TMEM33: variants seen among roughly 807,000 people sequenced by gnomAD.
TMEM33 encodes transmembrane protein 33.
In TMEM33, 16 loss-of-function variants were observed where a neutral mutation model predicts 29.7. That is an observed-to-expected ratio of 0.54 (90% CI 0.36 to 0.82). The LOEUF is 0.82. Among genes scored for constraint, TMEM33 ranks in the 40% least tolerant of loss-of-function variants. The pLI is 0.00. For synonymous variants in TMEM33, 112 were observed against 109.4 expected (o/e 1.02, Z -0.15); for missense variants, 252 against 295.3 (o/e 0.85, Z 1.08).
At chr4:41,936,543 AAAACAAAC>A (rs148733765) in intron 1 of TMEM33, among the ~76,000 whole-genome samples, 11 of 151,806 alleles carry the variant, frequency 7.2e-5, no homozygotes, top group Non-Finnish European at 1.0e-4. Flanking sequence ...ACCTTCTCTC[AAAACAAAC>A]AAACAAACAA....
rs1713350745 is a variant in TMEM33, at chr4:41,958,430, T to G, written c.*4231T>G. 1 of 152,212 alleles carries G rather than the reference T, an allele frequency of 6.6e-6. No individual in the cohort carries two copies. 9.4% of individuals were successfully genotyped at this position (152,212 alleles called of 1,614,324 possible). On this transcript the variant is annotated 3_prime_UTR_variant, in exon 7 of 7. Coordinates refer to ENST00000504986, the MANE Select transcript of TMEM33 (RefSeq NM_018126.3). ...TTCAGATCAAGGTCTATCCAGTTTTTTCTTTTCATGCTAAGTGCCTACATC... is the reference window on the plus strand; with the variant it reads ...TTCAGATCAAGGTCTATCCAGTTTTGTCTTTTCATGCTAAGTGCCTACATC...
At chr4:41,935,776 A>G (rs1000177840) in intron 1 of TMEM33, among the ~76,000 whole-genome samples, 1 of 152,162 alleles carries the variant, frequency 6.6e-6, no homozygotes, top group African/African-American at 2.4e-5. Context: ...TGCCATGGAA[A>G]TTGGGCCTTC....
chr4:41,949,727 T>G (rs550515830), intron 6 of TMEM33, among the ~76,000 whole-genome samples: 2 of 152,226 alleles, frequency 1.3e-5, no homozygotes, highest in Admixed American at 6.5e-5. Flanking sequence ...GATACAGAAT[T>G]CACAAGCCAA....
rs572500515 is a variant in TMEM33, at chr4:41,955,842, A to C, written c.*1643A>C. 5 of 152,790 alleles carry C rather than the reference A, an allele frequency of 3.3e-5. No homozygotes were observed. The South Asian group carries it at 8.3e-4, about 25-fold the overall frequency. The allele number at this position is 152,790 out of a possible 1,614,324, so 9.5% of individuals were successfully genotyped here. On this transcript the variant is annotated 3_prime_UTR_variant, in exon 7 of 7. Coordinates refer to ENST00000504986, the MANE Select transcript of TMEM33 (RefSeq NM_018126.3). ...TTGATTTCTAATTATGTTTTAAAAA[A>C]TGAAGTCTTGAATTATATCAAGAAA...
Position 41,959,606 on chromosome 4 carries a change from A to G in TMEM33, c.*5407A>G, listed in dbSNP as rs929675194. 1 of 152,152 alleles carries G rather than the reference A, an allele frequency of 6.6e-6. No homozygotes were observed. Among genetic ancestry groups the G allele is most frequent in the African/African-American group, 2.4e-5 (1 of 41,432 alleles). 9.4% of individuals were successfully genotyped at this position (152,152 alleles called of 1,614,324 possible). A position where few individuals can be genotyped will look rare whatever the true frequency, so the allele number is the denominator to read the frequency against. On this transcript the variant is annotated 3_prime_UTR_variant, in exon 7 of 7. Coordinates refer to ENST00000504986, the MANE Select transcript of TMEM33 (RefSeq NM_018126.3). ...TGATGTGCCTAGCACTTTGAAACTA[A>G]CCTTTTCTTTCTTTGTTCATGACAG...
upstream of TMEM33, chr4:41,935,197 C>G (rs200674429): frequency 2.0e-5 from 11 of 552,156 alleles, no homozygotes; most frequent in African/African-American, 3.8e-5. Flanking sequence ...AGGGCTTCAC[C>G]CCGAAGCTCC....
chr4:41,941,658 A>T (rs1331512484), intron 3 of TMEM33, among the ~76,000 whole-genome samples: 1 of 152,212 alleles, frequency 6.6e-6, no homozygotes. Flanking sequence ...CATATTCCTT[A>T]AATTCTTACA....
chr4:41,935,675 G>A, intron 1 of TMEM33, 146 bp downstream of exon 1: 1 of 832,152 alleles, frequency 1.2e-6, no homozygotes, highest in Non-Finnish European at 1.9e-6. Context: ...AGCGGGGAGA[G>A]GGGAGGTCCT....
Position 41,956,222 on chromosome 4 carries a change from C to G in TMEM33, c.*2023C>G, listed in dbSNP as rs751720331. On this transcript the variant is annotated 3_prime_UTR_variant, in exon 7 of 7. Coordinates refer to ENST00000504986, the MANE Select transcript of TMEM33 (RefSeq NM_018126.3). ...TTCACCATGTTGGCCAGGATGGTCT[C>G]GATCTCCTGACCTCGTGATCTGCCT... 1 of 152,104 alleles carries G rather than the reference C, an allele frequency of 6.6e-6. No homozygotes were observed. Among genetic ancestry groups the G allele is most frequent in the Non-Finnish European group, 1.5e-5 (1 of 68,064 alleles). The allele number at this position is 152,104 out of a possible 1,614,324, so 9.4% of individuals were successfully genotyped here.
chr4:41,938,482 C>A, intron 1 of TMEM33, 120 bp from the exon 2 acceptor site: 3 of 928,338 alleles, frequency 3.2e-6, no homozygotes, highest in Non-Finnish European at 5.0e-6. Flanking sequence ...ACCTAATGAT[C>A]TAAAAAAACA....
intron 1 of TMEM33, among the ~76,000 whole-genome samples, chr4:41,935,781 G>A (rs984021346): frequency 2.6e-5 from 4 of 152,146 alleles, no homozygotes; most frequent in Non-Finnish European, 5.9e-5. Context: ...TGGAAATTGG[G>A]CCTTCTTTCC....
chr4:41,947,259 C>T (rs529489383), intron 5 of TMEM33, among the ~76,000 whole-genome samples: 6 of 151,796 alleles, frequency 4.0e-5, no homozygotes, highest in South Asian at 4.2e-4. Flanking sequence ...AGATAGATAC[C>T]GAGACTAGTT....
chr4:41,935,355 G>C (rs942539103), upstream of TMEM33: 7 of 988,808 alleles, frequency 7.1e-6, no homozygotes, highest in Non-Finnish European at 1.1e-5. Flanking sequence ...TTCCGGCAGG[G>C]TGCATCCGGC....
chr4:41,941,078 T>C (rs1355670422), intron 3 of TMEM33, among the ~76,000 whole-genome samples: 1 of 152,224 alleles, frequency 6.6e-6, no homozygotes, highest in African/African-American at 2.4e-5. Context: ...ATTTAAATAT[T>C]CAGTATATGG....
chr4:41,939,230 T>G lies in TMEM33; in HGVS notation c.175T>G (p.Leu59Val), dbSNP rs115287557. The change falls in exon 3 of 7, where the codon TTG becomes GTG. Residue 59 changes from leucine to valine, a missense_variant. By Grantham distance (32) the Leu-to-Val change is conservative. Transcript: ENST00000504986. The stretch of plus-strand genomic sequence containing the variant: ...AGCAGCAAGCTTTTACCAACGTGCT[T>G]TGCTGGCAAATGCTCTTACCAGTGC... ...HEAASFYQRALLANALTSALR... is the reference protein window; with the variant it reads ...HEAASFYQRAVLANALTSALR... 7.0e-5 allele frequency: 113 copies of G among 1,604,728 alleles called. 1 individual carries two copies. In the African/African-American group the frequency reaches 1.2e-3, roughly 17 times the overall value.
At chr4:41,936,419 T>G (rs891186361) in intron 1 of TMEM33, among the ~76,000 whole-genome samples, 4 of 152,200 alleles carry the variant, frequency 2.6e-5, no homozygotes, top group African/African-American at 9.6e-5. Context: ...GGCTCACGCC[T>G]GTAATCTCAG....
At chr4:41,941,244 T>C (rs565308775) in intron 3 of TMEM33, among the ~76,000 whole-genome samples, 4 of 152,378 alleles carry the variant, frequency 2.6e-5, no homozygotes, top group African/African-American at 9.6e-5. Flanking sequence ...ATTACTATAC[T>C]ACAACTGTAA....
intron 3 of TMEM33, chr4:41,939,719 A>G (rs1183679791): frequency 2.2e-6 from 1 of 461,280 alleles, no homozygotes; most frequent in Non-Finnish European, 4.3e-6. Context: ...TTTTTGGCAA[A>G]GTGTCCAGAT....
chr4:41,935,252 G>C, upstream of TMEM33: 1 of 610,518 alleles, frequency 1.6e-6, no homozygotes. Context: ...GATCTCGGCG[G>C]TGCGGGACAG....
Sources: gnomAD v4.1 joint callset for allele counts (sites outside exome capture counted in the v4.1 genomes callset) on GRCh38, gnomAD v4.1.1 for gene constraint, MANE v1.5 for transcripts, NCBI Gene and HGNC (gene_info 2026-07-23, HGNC 2026-07-21) for gene names.